Variants in SPTA1 observed in about 807,000 individuals in gnomAD.
SPTA1 encodes the protein spectrin alpha chain, erythrocytic 1.
Under a neutral mutation model 324.7 loss-of-function variants are expected in SPTA1, and 177 were observed. The observed-to-expected ratio is 0.55, with a 90% CI of 0.48 to 0.62. SPTA1 has a LOEUF of 0.62. Ranked by LOEUF, SPTA1 falls within the 20% of genes least tolerant of loss-of-function variation. The pLI, the probability that SPTA1 is intolerant of heterozygous loss-of-function variation, is 0.00. For missense variants in SPTA1, 3,162 were observed against 2,883.6 expected, an observed-to-expected ratio of 1.10 and a Z score of -2.21; for synonymous variants, 1,195 against 1,041.3, an observed-to-expected ratio of 1.15 and a Z score of -2.84.
At chr1:158,685,058 C>T in intron 2 of SPTA1, 50 bp downstream of exon 2, 1 of 1,611,476 alleles carries the variant, frequency 6.2e-7, no homozygotes, top group Non-Finnish European at 8.5e-7. Context: ...CTATTTCCTT[C>T]TCTAGAGATC....
intron 27 of SPTA1, among the ~76,000 whole-genome samples, chr1:158,646,729 G>T (rs1365857315): frequency 6.6e-6 from 1 of 152,128 alleles, no homozygotes; most frequent in Non-Finnish European, 1.5e-5. Context: ...GAACTGGGGA[G>T]GGGATTTCCA....
In SPTA1 at chr1:158,623,192, C is replaced by T. The variant is rs116466258; in HGVS notation, c.5911G>A (p.Asp1971Asn). The T allele has an allele frequency of 7.3e-4, 1,184 of 1,613,928 alleles. 11 individuals are homozygous for T. The African/African-American group carries it at 0.012, about 16-fold the overall frequency. The change falls in exon 43 of 52, where the codon GAC (aspartate) becomes AAC (asparagine). Residue 1971 changes from aspartate (D) to asparagine (N), a missense_variant and splice_region_variant. Coordinates refer to ENST00000643759, the MANE Select transcript of SPTA1 (RefSeq NM_003126.4). ...CTCTGCAGACTGGCATCCAGAGTGT[C>T]CTGAGAAAGATCAGGAGAGAGGCCG... ...GDFLTLLAKQ[D>N]TLDASLQSFQ...
intron 18 of SPTA1, among the ~76,000 whole-genome samples, chr1:158,658,500 C>T (rs1652986079): frequency 6.6e-6 from 1 of 152,112 alleles, no homozygotes; most frequent in South Asian, 2.1e-4. Flanking sequence ...GTTAACATTC[C>T]ACCCATCAAA....
rs1328288176 is a variant in SPTA1 at position 158,666,334 on chromosome 1, C to T, written c.2202G>A (p.Ser734=). The change falls in exon 16 of 52, where the codon TCG becomes TCA. Residue 734 remains serine (S), a synonymous_variant. Transcript: ENST00000643759. ...NRLRKHGLLE[S]AVAARQDQVD... The stretch of plus-strand genomic sequence containing the variant: ...AACAAACCTGACGAGCAGCCACAGC[C>T]GACTCCAGGAGGCCGTGTTTCCTGA... The T allele has an allele frequency of 1.2e-5, 19 of 1,613,620 alleles. No individual in the cohort carries two copies. The highest frequency in any genetic ancestry group is 1.4e-5 in the Non-Finnish European group (17 of 1,179,970).
chr1:158,645,290 A>G lies in SPTA1; in HGVS notation c.4092T>C (p.Pro1364=). ...ELIDSGHHAS[P]EIEKKLQAVK... ...CAGCTTGAAGCTTTTTTTCAATTTCAGGGCTAGCATGGTGCCCACTGTCGA... is the reference window on the plus strand; with the variant it reads ...CAGCTTGAAGCTTTTTTTCAATTTCGGGGCTAGCATGGTGCCCACTGTCGA... Residue 1364 remains proline (P), a synonymous_variant, in exon 29 of 52, where the codon CCT becomes CCC. Transcript: ENST00000643759. 6.2e-7 allele frequency: 1 copy of G among 1,613,994 alleles called. No individual in the cohort carries two copies. The highest frequency in any genetic ancestry group is 8.5e-7 in the Non-Finnish European group (1 of 1,179,944).
chr1:158,639,484 G>T (rs1347407877), intron 35 of SPTA1, 98 bp downstream of exon 35: 22 of 1,256,786 alleles, frequency 1.8e-5, no homozygotes, highest in Non-Finnish European at 2.6e-5. Flanking sequence ...GAACAATTTT[G>T]CAAGGCTATG....
chr1:158,676,437 A>C (rs1204778531), intron 7 of SPTA1, 142 bp from the exon 8 acceptor site: 2 of 826,804 alleles, frequency 2.4e-6, no homozygotes, highest in African/African-American at 3.4e-5. Flanking sequence ...TTAATATACT[A>C]ATGTACTACA....
chr1:158,641,616 T>A (rs1371848574), intron 33 of SPTA1, among the ~76,000 whole-genome samples: 1 of 152,178 alleles, frequency 6.6e-6, no homozygotes, highest in South Asian at 2.1e-4. Flanking sequence ...TGAGATACCA[T>A]CTCACACCAG....
intron 39 of SPTA1, among the ~76,000 whole-genome samples, chr1:158,630,707 C>T (rs189496022): frequency 7.2e-5 from 11 of 152,042 alleles, no homozygotes; most frequent in African/African-American, 9.6e-5. Flanking sequence ...AGGCAGCCCA[C>T]TGAATGAGAG....
At chr1:158,663,673 T>C (rs1302393991) in intron 16 of SPTA1, among the ~76,000 whole-genome samples, 1 of 152,182 alleles carries the variant, frequency 6.6e-6, no homozygotes, top group Admixed American at 6.5e-5. Flanking sequence ...TGCCTTTTTT[T>C]CTCGTTTGTT....
rs576803383 is a variant in SPTA1, at chr1:158,611,335, C to T, written c.7189G>A (p.Asp2397Asn). The T allele has an allele frequency of 2.4e-5, 38 of 1,613,768 alleles. No homozygotes were observed. In the African/African-American group the frequency reaches 4.7e-4, roughly 20 times the overall value. ...GAGAGATGGCTTCGACCCCGTGGGT[C>T]CATATATTGCTGCATATGTGTGGCA... Reference protein sequence around the residue: ...FCATHMQQYMDPRGRSHLSGY... With the variant: ...FCATHMQQYMNPRGRSHLSGY... The change falls in exon 52 of 52, where the codon GAC becomes AAC. Residue 2397 changes from aspartate to asparagine, a missense_variant. Physicochemically the swap from Asp to Asn is conservative, Grantham distance 23. Coordinates refer to ENST00000643759, the MANE Select transcript of SPTA1 (RefSeq NM_003126.4).
Position 158,686,590 on chromosome 1 carries a change from G to T in SPTA1, c.-73C>A. 2 of 1,154,304 alleles carry T rather than the reference G, an allele frequency of 1.7e-6. No homozygotes were observed. Among genetic ancestry groups the T allele is most frequent in the South Asian group, 2.5e-5 (2 of 81,090 alleles). The allele number at this position is 1,154,304 out of a possible 1,614,324, so 71.5% of individuals were successfully genotyped here. On this transcript the variant is annotated 5_prime_UTR_variant, in exon 1 of 52. Transcript: ENST00000643759. ...GAGAGAGAGAGAAATAATTCAAATG[G>T]AACTGTCCAGTCGAATTCAAATAGA...
rs1290162055 is a variant in SPTA1, at chr1:158,642,992, A to G, written c.4443-16T>C. On this transcript the variant is annotated splice_polypyrimidine_tract_variant and intron_variant, in intron 31 of 51. Coordinates refer to ENST00000643759, the MANE Select transcript of SPTA1 (RefSeq NM_003126.4). ...AGCCTTCCACCTAGAGGACGGAGCC[A>G]AATCACTCTATGCCCTCCTCCACCC... The G allele has an allele frequency of 1.2e-6, 2 of 1,613,394 alleles. No individual in the cohort carries two copies.
rs766850102 is a variant in SPTA1 at position 158,645,645 on chromosome 1, C to A, written c.3897-51G>T. 1.9e-6 allele frequency: 3 copies of A among 1,583,854 alleles called. No homozygotes were observed. In the African/African-American group the frequency reaches 4.0e-5, roughly 21 times the overall value. The stretch of plus-strand genomic sequence containing the variant: ...GACAAGAAAACCTTGCAACTTGCTA[C>A]AGTGCTGTTTGTCCTACAGTTTTCC... On this transcript the variant is annotated intron_variant, in intron 27 of 51. Coordinates refer to ENST00000643759, the MANE Select transcript of SPTA1 (RefSeq NM_003126.4).
chr1:158,663,302 CT>C (rs1238352455), intron 16 of SPTA1, among the ~76,000 whole-genome samples: 1 of 152,170 alleles, frequency 6.6e-6, no homozygotes, highest in Non-Finnish European at 1.5e-5. Context: ...CTCAGTTCAC[CT>C]TCTGTATTCT....
Position 158,654,666 on chromosome 1 carries a change from C to T in SPTA1, c.2981G>A (p.Arg994Gln), listed in dbSNP as rs746992826. 3.1e-6 allele frequency: 5 copies of T among 1,613,832 alleles called. No individual in the cohort carries two copies. Among genetic ancestry groups the T allele is most frequent in the Middle Eastern group, 1.7e-4 (1 of 6,060 alleles). Residue 994 changes from arginine (R) to glutamine (Q), a missense_variant, in exon 21 of 52, where the codon CGA becomes CAA. Physicochemically the swap from Arg to Gln is conservative, Grantham distance 43. Transcript: ENST00000643759. ...ALYDFQARSP[R>Q]EVTMKKGDVL... Reference sequence around the variant, plus strand: ...ATCACCTTTCTTCATGGTGACTTCTCGGGGGCTGCGGGCCTGGAAGTCATA... The same window carrying T: ...ATCACCTTTCTTCATGGTGACTTCTTGGGGGCTGCGGGCCTGGAAGTCATA...
At chr1:158,670,176 C>T (rs867501465) in intron 12 of SPTA1, among the ~76,000 whole-genome samples, 4 of 152,158 alleles carry the variant, frequency 2.6e-5, no homozygotes, top group East Asian at 1.9e-4. Context: ...TCTATCTCAT[C>T]TCTACCTCTA....
chr1:158,634,678 A>T lies in SPTA1; in HGVS notation c.5433-3T>A, dbSNP rs1650928435. The T allele has an allele frequency of 6.2e-7, 1 of 1,613,962 alleles. No individual in the cohort carries two copies. The highest frequency in any genetic ancestry group is 1.3e-5 in the African/African-American group (1 of 74,942). On this transcript the variant is annotated splice_polypyrimidine_tract_variant and splice_region_variant and intron_variant, in intron 38 of 51. Transcript: ENST00000643759. ...GGGATTCTTCCAACTTAAGTCCTCT[A>T]TAACAAGGTGGCAAGCCCCAGTGAG...
intron 38 of SPTA1, among the ~76,000 whole-genome samples, chr1:158,635,024 C>T (rs182822354): frequency 7.4e-4 from 113 of 152,282 alleles, no homozygotes; most frequent in African/African-American, 2.3e-3. Context: ...CTGAGCACTG[C>T]CTTCTTTCGT....
Sources: allele counts gnomAD v4.1 joint callset (sites outside exome capture counted in the v4.1 genomes callset), GRCh38; gene constraint gnomAD v4.1.1; transcripts MANE v1.5; gene names NCBI Gene and HGNC (gene_info 2026-07-23, HGNC 2026-07-21).